The following EMC7 variants were observed in gnomAD, a reference collection of about 807,000 sequenced individuals.
EMC7 encodes the protein endoplasmic reticulum membrane protein complex subunit 7.
Under a neutral mutation model 24.4 loss-of-function variants are expected in EMC7, and 4 were observed. That is an observed-to-expected ratio of 0.16 (90% confidence interval 0.08 to 0.38). The LOEUF is 0.38. Among genes scored for constraint, EMC7 ranks in the 10% least tolerant of loss-of-function variants. EMC7 has a pLI of 1.00. For synonymous variants in EMC7, 106 were observed against 112.0 expected, an observed-to-expected ratio of 0.95 and a Z score of 0.34; for missense variants, 221 against 300.6, an observed-to-expected ratio of 0.74 and a Z score of 1.96.
intron 3 of EMC7, 111 bp from the exon 4 acceptor site, chr15:34,088,244 C>A: frequency 2.2e-6 from 2 of 891,462 alleles, no homozygotes; most frequent in South Asian, 1.7e-5. Flanking sequence ...GTTGTCTATA[C>A]AATAACACTA....
intron 4 of EMC7, among the ~76,000 whole-genome samples, chr15:34,087,837 G>A (rs1029038930): frequency 1.3e-5 from 2 of 152,116 alleles, no homozygotes; most frequent in Non-Finnish European, 2.9e-5. Flanking sequence ...ATGGGACAGA[G>A]CAAACATCAC....
chr15:34,084,548 T>A, intron 4 of EMC7, 62 bp from the exon 5 acceptor site: 2 of 1,549,508 alleles, frequency 1.3e-6, no homozygotes, highest in South Asian at 2.4e-5. Context: ...TCCTAACACT[T>A]CCTATTAAGG....
chr15:34,084,980 A>T (rs1030091203), intron 4 of EMC7, among the ~76,000 whole-genome samples: 1 of 150,232 alleles, frequency 6.7e-6, no homozygotes, highest in East Asian at 2.0e-4. Context: ...CTTTTTTCTG[A>T]TACTGAATAT....
intron 2 of EMC7, among the ~76,000 whole-genome samples, chr15:34,094,522 G>C (rs1291653764): frequency 6.6e-6 from 1 of 151,938 alleles, no homozygotes; most frequent in African/African-American, 2.4e-5. Context: ...GTGACAGAGC[G>C]AGACTCCATC....
At chr15:34,093,188 C>T (rs908471868) in intron 2 of EMC7, among the ~76,000 whole-genome samples, 1 of 152,034 alleles carries the variant, frequency 6.6e-6, no homozygotes, top group Non-Finnish European at 1.5e-5. Flanking sequence ...ACCTGTAATC[C>T]CAGTACTTTG....
At position 34,101,634 on chromosome 15, in the gene EMC7, A is replaced by G. The variant is rs767861151; in HGVS notation, c.206T>C (p.Val69Ala). Residue 69 changes from valine (V) to alanine (A), a missense_variant, in exon 1 of 5, where the codon GTA (valine) becomes GCA (alanine). Physicochemically the swap from Val to Ala is moderately conservative, Grantham distance 64 (BLOSUM62 0). Transcript: ENST00000256545. The part of the protein sequence containing the change: ...QDWISAARVL[V>A]DGEEHVGFLK... ...GAAACCGACGTGCTCTTCTCCGTCT[A>G]CCAGCACTCGGGCCGCCGAGATCCA... 1 of 1,613,504 alleles carries G rather than the reference A, an allele frequency of 6.2e-7. No individual in the cohort carries two copies. Among genetic ancestry groups the G allele is most frequent in the African/African-American group, 1.3e-5 (1 of 74,828 alleles).
At chr15:34,085,276 C>T (rs904347708) in intron 4 of EMC7, among the ~76,000 whole-genome samples, 1 of 152,120 alleles carries the variant, frequency 6.6e-6, no homozygotes, top group Non-Finnish European at 1.5e-5. Flanking sequence ...ATTGGCAAAA[C>T]AGGATAGGAC....
intron 2 of EMC7, among the ~76,000 whole-genome samples, chr15:34,092,615 G>C (rs1900996092): frequency 6.6e-6 from 1 of 151,762 alleles, no homozygotes; most frequent in East Asian, 1.9e-4. Context: ...CAAAGTGCTG[G>C]GATTACAGGT....
At chr15:34,092,260 G>GACACACACACACAC (rs1452571983) in intron 2 of EMC7, among the ~76,000 whole-genome samples, 30 of 6,866 alleles carry the variant, frequency 4.4e-3, no homozygotes, top group African/African-American at 0.011. Flanking sequence ...GTGAGACTCC[G>GACACACACACACAC]TCACACACAC....
At chr15:34,101,553 C>T (rs372024875) in intron 1 of EMC7, 51 bp downstream of exon 1, 2 of 1,581,072 alleles carry the variant, frequency 1.3e-6, no homozygotes, top group South Asian at 2.3e-5. Flanking sequence ...TGGTGGGGTC[C>T]CTGTCCGGCC....
intron 2 of EMC7, among the ~76,000 whole-genome samples, chr15:34,093,438 TAAA>T (rs11325671): frequency 7.0e-6 from 1 of 143,254 alleles, no homozygotes. Flanking sequence ...TGTCTCAAAT[TAAA>T]AAAAAAAAAA....
chr15:34,095,845 A>G (rs191263197), intron 2 of EMC7, 50 bp downstream of exon 2: 10 of 1,548,336 alleles, frequency 6.5e-6, no homozygotes, highest in Middle Eastern at 1.7e-4. Flanking sequence ...ATATATACTA[A>G]GGTATTCAGT....
chr15:34,096,003 C>G lies in EMC7; in HGVS notation c.248G>C (p.Ser83Thr), dbSNP rs753147108. The change falls in exon 2 of 5, where the codon AGT becomes ACT. Residue 83 changes from serine (S) to threonine (T), a missense_variant. Physicochemically the swap from Ser to Thr is moderately conservative, Grantham distance 58 (BLOSUM62 1). Around this residue, in one of 2 missense-constraint regions of EMC7, gnomAD observed 156 missense variants for 177.1 expected, o/e 0.88. Coordinates refer to ENST00000256545, the MANE Select transcript of EMC7 (RefSeq NM_020154.3). ...EHVGFLKTDG[S>T]FVVHDIPSGS... ...AGAAGGTATATCATGAACCACAAAA[C>G]TCCCATCTGTCCTGGAAAAATGAAA... is the stretch of plus-strand genomic sequence containing the variant. 2.5e-6 allele frequency: 4 copies of G among 1,571,184 alleles called. No individual in the cohort carries two copies. The Admixed American group carries it at 6.7e-5, about 27-fold the overall frequency.
At chr15:34,091,265 A>G (rs1406494432) in intron 2 of EMC7, among the ~76,000 whole-genome samples, 1 of 152,188 alleles carries the variant, frequency 6.6e-6, no homozygotes, top group African/African-American at 2.4e-5. Flanking sequence ...TTAAATATAC[A>G]TTAAATTATT....
intron 3 of EMC7, among the ~76,000 whole-genome samples, chr15:34,090,090 T>C (rs1166760279): frequency 6.6e-6 from 1 of 152,238 alleles, no homozygotes; most frequent in East Asian, 1.9e-4. Context: ...ATTTATCCAA[T>C]TTCTATTACA....
intron 4 of EMC7, among the ~76,000 whole-genome samples, chr15:34,086,845 A>C (rs191412656): frequency 4.6e-5 from 7 of 152,414 alleles, no homozygotes; most frequent in Non-Finnish European, 8.8e-5. Flanking sequence ...CTAACACTGA[A>C]GCAAAAATGC....
chr15:34,096,837 A>AT (rs1236464356), intron 1 of EMC7, among the ~76,000 whole-genome samples: 2 of 151,198 alleles, frequency 1.3e-5, no homozygotes, highest in Non-Finnish European at 3.0e-5. Context: ...AAAATACAAA[A>AT]TTAGCCAGGC....
At chr15:34,091,132 C>CA (rs1900968171) in intron 2 of EMC7, among the ~76,000 whole-genome samples, 1 of 152,088 alleles carries the variant, frequency 6.6e-6, no homozygotes, top group East Asian at 1.9e-4. Flanking sequence ...TTAATGCATC[C>CA]ATTTAGTTGT....
chr15:34,090,313 A>G lies in EMC7; in HGVS notation c.495+4T>C, dbSNP rs1900957177. Reference sequence around the variant, plus strand: ...AAAGTGCTTTATTTTAGCCTGATACATACCATTGGGTTCATTAGAAAGTCT... The same window carrying G: ...AAAGTGCTTTATTTTAGCCTGATACGTACCATTGGGTTCATTAGAAAGTCT... On this transcript the variant is annotated splice_donor_region_variant and intron_variant, in intron 3 of 4. Coordinates refer to ENST00000256545, the MANE Select transcript of EMC7 (RefSeq NM_020154.3). 1.2e-6 allele frequency: 2 copies of G among 1,611,464 alleles called. No individual in the cohort carries two copies. Among genetic ancestry groups the G allele is most frequent in the Admixed American group, 3.4e-5 (2 of 59,288 alleles).
Sources: allele counts gnomAD v4.1 joint callset (sites outside exome capture counted in the v4.1 genomes callset), GRCh38; gene constraint gnomAD v4.1.1; regional missense constraint gnomAD v4.1.1; transcripts MANE v1.5; gene names NCBI Gene and HGNC (gene_info 2026-07-23, HGNC 2026-07-21).